Variants in PPFIA2 observed in about 807,000 individuals in gnomAD.
PPFIA2 encodes the protein liprin-alpha-2.
Under a neutral mutation model 175.5 loss-of-function variants are expected in PPFIA2, and 46 were observed. The ratio of observed to expected loss-of-function variants is 0.26; its 90% CI spans 0.21 to 0.34. The LOEUF (loss-of-function observed/expected upper bound fraction) is 0.34, where lower values mean the gene tolerates loss of function less well. Ranked by LOEUF, PPFIA2 falls within the 10% of genes least tolerant of loss-of-function variation. The pLI, the probability that PPFIA2 is intolerant of heterozygous loss-of-function variation, is 1.00. For missense variants in PPFIA2, 1,179 were observed against 1,506.1 expected (o/e 0.78, Z 3.60); for synonymous variants, 568 against 511.4 (o/e 1.11, Z -1.49).
intron 22 of PPFIA2, among the ~76,000 whole-genome samples, chr12:81,313,189 A>AT (rs1372526817): frequency 6.6e-6 from 1 of 152,186 alleles, no homozygotes; most frequent in Non-Finnish European, 1.5e-5. Context: ...ACAAAAATTC[A>AT]TGAGAGTATT....
chr12:81,511,196 G>A (rs1025146936), intron 4 of PPFIA2, among the ~76,000 whole-genome samples: 6 of 151,916 alleles, frequency 3.9e-5, no homozygotes, highest in Non-Finnish European at 2.9e-5. Flanking sequence ...GACCATTTTT[G>A]ACCCATATCT....
intron 3 of PPFIA2, among the ~76,000 whole-genome samples, chr12:81,730,406 G>T (rs1211092682): frequency 6.6e-6 from 1 of 151,604 alleles, no homozygotes; most frequent in Admixed American, 6.6e-5. Flanking sequence ...ATGGCGGAAG[G>T]CAAAAGAGAA....
intron 4 of PPFIA2, among the ~76,000 whole-genome samples, chr12:81,590,598 G>A (rs934254006): frequency 6.6e-6 from 1 of 152,028 alleles, no homozygotes; most frequent in African/African-American, 2.4e-5. Context: ...TGTTGTGGGA[G>A]GAACCCGGTG....
At chr12:81,351,847 A>G (rs1488563284) in intron 17 of PPFIA2, among the ~76,000 whole-genome samples, 1 of 151,900 alleles carries the variant, frequency 6.6e-6, no homozygotes, top group Non-Finnish European at 1.5e-5. Flanking sequence ...TGTGGGCTGC[A>G]GTGAGCCAGA....
intron 4 of PPFIA2, among the ~76,000 whole-genome samples, chr12:81,461,202 T>C (rs1252824822): frequency 6.6e-6 from 1 of 152,078 alleles, no homozygotes; most frequent in Non-Finnish European, 1.5e-5. Flanking sequence ...TGTTTTGCCA[T>C]GCCCCAAGCT....
chr12:81,509,170 AC>A (rs1405040570), intron 4 of PPFIA2, among the ~76,000 whole-genome samples: 1 of 152,122 alleles, frequency 6.6e-6, no homozygotes, highest in African/African-American at 2.4e-5. Flanking sequence ...CCAAAGCAGA[AC>A]CTTTTGTCCA....
At chr12:81,598,858 T>A (rs1184883433) in intron 4 of PPFIA2, among the ~76,000 whole-genome samples, 3 of 151,984 alleles carry the variant, frequency 2.0e-5, no homozygotes, top group African/African-American at 7.2e-5. Context: ...CATTTCCCCA[T>A]CTTAGCTAAA....
intron 22 of PPFIA2, among the ~76,000 whole-genome samples, chr12:81,324,692 G>T (rs2054372085): frequency 6.6e-6 from 1 of 151,892 alleles, no homozygotes; most frequent in Admixed American, 6.6e-5. Context: ...ATTTTTGAGT[G>T]ATCAGTAACT....
At chr12:81,709,143 C>A (rs994500661) in intron 3 of PPFIA2, among the ~76,000 whole-genome samples, 10 of 152,052 alleles carry the variant, frequency 6.6e-5, no homozygotes, top group African/African-American at 2.4e-4. Flanking sequence ...CTTCTTTCTG[C>A]CCAGCTCTGC....
chr12:81,276,883 C>A (rs1163549188), intron 28 of PPFIA2, among the ~76,000 whole-genome samples: 1 of 151,896 alleles, frequency 6.6e-6, no homozygotes, highest in Non-Finnish European at 1.5e-5. Context: ...TTTAACTATA[C>A]AGTGTTACAA....
Position 81,703,026 on chromosome 12 carries a change from T to C in PPFIA2, c.250-26182A>G, listed in dbSNP as rs1289923441. Among the ~76,000 whole-genome samples, 7 of 152,120 alleles carry C rather than the reference T, an allele frequency of 4.6e-5. No individual in the cohort carries two copies. In the East Asian group the frequency reaches 1.2e-3, roughly 25 times the overall value. On this transcript the variant is annotated intron_variant, in intron 3 of 32. Transcript: ENST00000549396. Reference sequence around the variant, plus strand: ...TCTGTTGTTTAAGCCACCTGGTCTGTGGTATTTTGTTACAGCAGCACAAGT... The same window carrying C: ...TCTGTTGTTTAAGCCACCTGGTCTGCGGTATTTTGTTACAGCAGCACAAGT...
intron 3 of PPFIA2, among the ~76,000 whole-genome samples, chr12:81,737,050 A>C (rs1391701435): frequency 6.6e-6 from 1 of 151,968 alleles, no homozygotes; most frequent in Non-Finnish European, 1.5e-5. Flanking sequence ...CTCTATTGAT[A>C]AGAACAACTA....
At chr12:81,407,896 CTTAT>C (rs1176427911) in intron 7 of PPFIA2, among the ~76,000 whole-genome samples, 2 of 152,148 alleles carry the variant, frequency 1.3e-5, no homozygotes, top group African/African-American at 2.4e-5. Flanking sequence ...TCCTCATTTG[CTTAT>C]TTATTTAGCT....
At chr12:81,752,833 A>G (rs2084028431) in intron 3 of PPFIA2, among the ~76,000 whole-genome samples, 2 of 152,208 alleles carry the variant, frequency 1.3e-5, no homozygotes, top group South Asian at 4.1e-4. Flanking sequence ...GGGCCAATCA[A>G]CCTTGTATTT....
At chr12:81,479,356 C>A (rs2057903216) in intron 4 of PPFIA2, among the ~76,000 whole-genome samples, 1 of 152,182 alleles carries the variant, frequency 6.6e-6, no homozygotes, top group Admixed American at 6.5e-5. Flanking sequence ...ATACAGCACA[C>A]CGATAGGTCT....
chr12:81,628,206 A>G (rs1567629467), intron 4 of PPFIA2, among the ~76,000 whole-genome samples: 1 of 152,096 alleles, frequency 6.6e-6, no homozygotes, highest in Non-Finnish European at 1.5e-5. Flanking sequence ...TATTTAATCA[A>G]CCGAGCACCT....
intron 4 of PPFIA2, among the ~76,000 whole-genome samples, chr12:81,565,207 G>A (rs955970932): frequency 6.6e-6 from 1 of 152,106 alleles, no homozygotes; most frequent in Non-Finnish European, 1.5e-5. Flanking sequence ...GCTGCCTGAG[G>A]CAACAGTGAT....
intron 3 of PPFIA2, among the ~76,000 whole-genome samples, chr12:81,707,932 A>C (rs2153611166): frequency 6.6e-6 from 1 of 150,722 alleles, no homozygotes; most frequent in South Asian, 2.1e-4. Context: ...ACAAAAAACC[A>C]AACATCACAT....
At chr12:81,750,644 T>G (rs938375022) in intron 3 of PPFIA2, among the ~76,000 whole-genome samples, 11 of 152,152 alleles carry the variant, frequency 7.2e-5, no homozygotes, top group African/African-American at 2.2e-4. Flanking sequence ...TCAGCACTTT[T>G]TAAACGCAGA....
Sources: allele counts gnomAD v4.1 joint callset (sites outside exome capture counted in the v4.1 genomes callset), GRCh38; gene constraint gnomAD v4.1.1; transcripts MANE v1.5; gene names NCBI Gene and HGNC (gene_info 2026-07-23, HGNC 2026-07-21).